Variants in SGMS1 observed in about 807,000 individuals in gnomAD.
SGMS1 encodes phosphatidylcholine:ceramide cholinephosphotransferase 1.
In SGMS1, 13 loss-of-function variants were observed where a neutral mutation model predicts 46.2. The ratio of observed to expected loss-of-function variants is 0.28; its 90% CI spans 0.18 to 0.45. The LOEUF is 0.45. Among genes scored for constraint, SGMS1 ranks in the 20% least tolerant of loss-of-function variants. The probability of loss-of-function intolerance (pLI) is 1.00; values close to 1 mark genes in which losing one functional copy is unlikely to be tolerated. For missense variants in SGMS1, 324 were observed against 519.9 expected, an observed-to-expected ratio of 0.62 and a Z score of 3.66; for synonymous variants, 203 against 187.8, an observed-to-expected ratio of 1.08 and a Z score of -0.66.
rs1160821161 is a variant in SGMS1, at chr10:50,311,423, A to G, written c.742-8T>C. ...TTCCCAGTCTCCGAAAAGCTGGCAG[A>G]AAAAAAGAAAAGAAGAAAAAGAAGA... On this transcript the variant is annotated splice_polypyrimidine_tract_variant and splice_region_variant and intron_variant, in intron 8 of 10. Transcript: ENST00000361781. The G allele has an allele frequency of 6.2e-7, 1 of 1,611,242 alleles. No individual in the cohort carries two copies. The highest frequency in any genetic ancestry group is 2.2e-5 in the East Asian group (1 of 44,848).
At chr10:50,485,132 T>C (rs1239736515) in intron 3 of SGMS1, among the ~76,000 whole-genome samples, 1 of 152,220 alleles carries the variant, frequency 6.6e-6, no homozygotes, top group Non-Finnish European at 1.5e-5. Flanking sequence ...GACATGATCC[T>C]ATATCAAGAA....
At chr10:50,447,340 G>T (rs1251451326) in intron 5 of SGMS1, among the ~76,000 whole-genome samples, 1 of 152,088 alleles carries the variant, frequency 6.6e-6, no homozygotes, top group Non-Finnish European at 1.5e-5. Flanking sequence ...TCTAAGTCTA[G>T]TGGAAGAGAT....
chr10:50,378,629 G>T (rs769138953), intron 6 of SGMS1, among the ~76,000 whole-genome samples: 1 of 152,124 alleles, frequency 6.6e-6, no homozygotes, highest in Non-Finnish European at 1.5e-5. Context: ...TATATATATA[G>T]TAAGATATAA....
intron 2 of SGMS1, among the ~76,000 whole-genome samples, chr10:50,535,727 T>G (rs1195454440): frequency 6.6e-6 from 1 of 152,112 alleles, no homozygotes; most frequent in Non-Finnish European, 1.5e-5. Flanking sequence ...AGGATCTAGG[T>G]GTTAAGATGG....
intron 2 of SGMS1, among the ~76,000 whole-genome samples, chr10:50,546,383 A>G (rs1287102198): frequency 6.6e-6 from 1 of 152,180 alleles, no homozygotes; most frequent in African/African-American, 2.4e-5. Flanking sequence ...TATATACCCA[A>G]AGGATTATAA....
intron 1 of SGMS1, among the ~76,000 whole-genome samples, chr10:50,621,247 G>A (rs1691106972): frequency 6.6e-6 from 1 of 152,090 alleles, no homozygotes; most frequent in Admixed American, 6.5e-5. Context: ...TTTTCATGAC[G>A]TATGTTAACA....
At chr10:50,501,191 T>C (rs532174017) in intron 3 of SGMS1, among the ~76,000 whole-genome samples, 4 of 152,248 alleles carry the variant, frequency 2.6e-5, no homozygotes, top group South Asian at 2.1e-4. Context: ...CCCTCACTCA[T>C]GCCCCCTAAT....
chr10:50,393,347 A>G (rs1239648108), intron 6 of SGMS1, among the ~76,000 whole-genome samples: 2 of 152,180 alleles, frequency 1.3e-5, no homozygotes, highest in African/African-American at 4.8e-5. Flanking sequence ...TCAACAGGAG[A>G]AGAGAAAGGA....
intron 5 of SGMS1, among the ~76,000 whole-genome samples, chr10:50,455,756 C>T (rs529888334): frequency 8.5e-5 from 13 of 152,298 alleles, no homozygotes; most frequent in South Asian, 6.2e-4. Flanking sequence ...GAATTTCATA[C>T]ACCACATCAC....
At chr10:50,396,284 C>G (rs566511690) in intron 6 of SGMS1, among the ~76,000 whole-genome samples, 1 of 152,234 alleles carries the variant, frequency 6.6e-6, no homozygotes, top group African/African-American at 2.4e-5. Context: ...CACGTGCAGC[C>G]CCCATTATCT....
chr10:50,319,161 CA>C (rs5784829), intron 8 of SGMS1, among the ~76,000 whole-genome samples: 5,992 of 107,798 alleles, frequency 0.056, 147 homozygotes, highest in African/African-American at 0.11. Flanking sequence ...GATTTGCCAC[CA>C]AAAAAAAAAA....
chr10:50,317,452 A>G (rs1302258597), intron 8 of SGMS1, among the ~76,000 whole-genome samples: 1 of 152,194 alleles, frequency 6.6e-6, no homozygotes, highest in Non-Finnish European at 1.5e-5. Flanking sequence ...AGAGTGGCTT[A>G]CCGACCAGTA....
At chr10:50,597,568 T>G (rs934101159) in intron 1 of SGMS1, among the ~76,000 whole-genome samples, 1 of 152,198 alleles carries the variant, frequency 6.6e-6, no homozygotes, top group Non-Finnish European at 1.5e-5. Context: ...GAAAAAATTA[T>G]AAAGGCAGAG....
chr10:50,495,260 A>C (rs1425799954), intron 3 of SGMS1, among the ~76,000 whole-genome samples: 1 of 120,170 alleles, frequency 8.3e-6, no homozygotes, highest in Non-Finnish European at 1.8e-5. Context: ...AAAAAAAGTT[A>C]AGAAAAAAAA....
chr10:50,570,755 A>G (rs1838330145), intron 2 of SGMS1, among the ~76,000 whole-genome samples: 1 of 152,182 alleles, frequency 6.6e-6, no homozygotes, highest in Non-Finnish European at 1.5e-5. Flanking sequence ...AGCAACATAA[A>G]GATCCTATTT....
At chr10:50,569,919 C>T (rs796629982) in intron 2 of SGMS1, among the ~76,000 whole-genome samples, 97 of 152,248 alleles carry the variant, frequency 6.4e-4, no homozygotes, top group African/African-American at 2.1e-3. Flanking sequence ...CCCAAGACTG[C>T]ATCTGGCACC....
chr10:50,552,860 C>T (rs1195792544), intron 2 of SGMS1, among the ~76,000 whole-genome samples: 1 of 152,120 alleles, frequency 6.6e-6, no homozygotes, highest in Non-Finnish European at 1.5e-5. Context: ...TAGACAGTGA[C>T]CTGACACCAA....
intron 2 of SGMS1, among the ~76,000 whole-genome samples, chr10:50,532,225 C>CTGTGTGTGTGTGTGTGTGTGTG (rs71029313): frequency 3.1e-5 from 4 of 130,516 alleles, no homozygotes; most frequent in African/African-American, 8.8e-5. Flanking sequence ...CTGAATGAGA[C>CTGTGTGTGTGTGTGTGTGTGTG]TGTGTGTGTG....
chr10:50,518,955 C>A (rs952735674), intron 3 of SGMS1, among the ~76,000 whole-genome samples: 1 of 152,044 alleles, frequency 6.6e-6, no homozygotes, highest in Non-Finnish European at 1.5e-5. Flanking sequence ...AGCGGGGCAA[C>A]AAAATACCAA....
Sources: gnomAD v4.1 joint callset for allele counts (sites outside exome capture counted in the v4.1 genomes callset) on GRCh38, gnomAD v4.1.1 for gene constraint, MANE v1.5 for transcripts, NCBI Gene and HGNC (gene_info 2026-07-23, HGNC 2026-07-21) for gene names.